TMEM65: variants seen among roughly 807,000 people sequenced by gnomAD.
TMEM65 encodes the protein transmembrane protein 65.
Under a neutral mutation model 25.4 loss-of-function variants are expected in TMEM65, and 22 were observed. That is an observed-to-expected ratio of 0.86 (90% CI 0.62 to 1.23). The LOEUF is 1.23. TMEM65 is among the 50% of genes most tolerant of loss of function. The pLI is 0.00. For synonymous variants in TMEM65, 132 were observed against 126.2 expected (o/e 1.05, Z -0.31); for missense variants, 262 against 308.2 (o/e 0.85, Z 1.12).
intron 1 of TMEM65, among the ~76,000 whole-genome samples, chr8:124,360,938 G>A (rs571245423): frequency 9.9e-5 from 15 of 152,276 alleles, no homozygotes; most frequent in Middle Eastern, 6.8e-3. Flanking sequence ...AAATTAAATA[G>A]GACTGGCTTC....
In TMEM65 at chr8:124,372,098, C is replaced by A; in HGVS notation, c.60G>T (p.Pro20=). 1 of 1,099,810 alleles carries A rather than the reference C, an allele frequency of 9.1e-7. No individual in the cohort carries two copies. The highest frequency in any genetic ancestry group is 4.3e-5 in the South Asian group (1 of 23,520). The allele number at this position is 1,099,810 out of a possible 1,614,324, so 68.1% of individuals were successfully genotyped here. ...GCGGGCGGGGCGCGGCGGCGGCGGCCGGGCCCGGCCTCAGGCTGCGCGCGG... is the reference window on the plus strand; with the variant it reads ...GCGGGCGGGGCGCGGCGGCGGCGGCAGGGCCCGGCCTCAGGCTGCGCGCGG... The part of the protein sequence containing the change: ...SRTARSLRPG[P]AAAAAPRPPS... The change falls in exon 1 of 7, where the codon CCG becomes CCT. Residue 20 remains proline (P), a synonymous_variant. Coordinates refer to ENST00000297632, the MANE Select transcript of TMEM65 (RefSeq NM_194291.3).
chr8:124,357,755 C>CAGTAAGT (rs1238343214), intron 1 of TMEM65, among the ~76,000 whole-genome samples: 1 of 150,792 alleles, frequency 6.6e-6, no homozygotes, highest in African/African-American at 2.4e-5. Flanking sequence ...CAGAGAGGGG[C>CAGTAAGT]AGTAAGTAGT....
At chr8:124,331,790 A>G (rs1814435516) in intron 1 of TMEM65, among the ~76,000 whole-genome samples, 1 of 152,032 alleles carries the variant, frequency 6.6e-6, no homozygotes, top group Admixed American at 6.5e-5. Flanking sequence ...GAAACGCATT[A>G]CAAACTAGAT....
intron 1 of TMEM65, among the ~76,000 whole-genome samples, chr8:124,359,283 C>T (rs941487586): frequency 3.9e-5 from 6 of 152,168 alleles, no homozygotes; most frequent in African/African-American, 1.2e-4. Context: ...CTATGCCTAC[C>T]TATACATGTA....
rs767872190 is a variant in TMEM65 at position 124,312,129 on chromosome 8, C to G, written c.*1831G>C. The G allele has an allele frequency of 3.3e-5, 5 of 151,940 alleles. No individual in the cohort carries two copies. Among genetic ancestry groups the G allele is most frequent in the Admixed American group, 2.6e-4 (4 of 15,220 alleles). 9.4% of individuals were successfully genotyped at this position (151,940 alleles called of 1,614,324 possible). On this transcript the variant is annotated 3_prime_UTR_variant, in exon 7 of 7. Coordinates refer to ENST00000297632, the MANE Select transcript of TMEM65 (RefSeq NM_194291.3). ...CTTACACTTTACCCCACCCTTCCCC[C>G]CCCAAAAATTTAAGCACTCTAATCC...
At chr8:124,356,341 T>C (rs1476335466) in intron 1 of TMEM65, among the ~76,000 whole-genome samples, 1 of 152,182 alleles carries the variant, frequency 6.6e-6, no homozygotes, top group African/African-American at 2.4e-5. Context: ...CTCTTATTAA[T>C]CTGCCTTCTG....
intron 6 of TMEM65, among the ~76,000 whole-genome samples, chr8:124,314,808 T>A (rs1814213452): frequency 6.6e-6 from 1 of 151,812 alleles, no homozygotes; most frequent in African/African-American, 2.4e-5. Context: ...TACAGACACA[T>A]GCCACTATGC....
chr8:124,317,488 GTTCT>G (rs1310823830), intron 6 of TMEM65, among the ~76,000 whole-genome samples: 1 of 152,066 alleles, frequency 6.6e-6, no homozygotes, highest in African/African-American at 2.4e-5. Context: ...ATTTTCTAGG[GTTCT>G]TTAATTCTGC....
chr8:124,355,678 A>C (rs1026474125), intron 1 of TMEM65, among the ~76,000 whole-genome samples: 4 of 152,222 alleles, frequency 2.6e-5, no homozygotes, highest in Admixed American at 6.5e-5. Flanking sequence ...AACACAGTCA[A>C]ATTCAATTCA....
At chr8:124,332,600 A>T (rs1289851864) in intron 1 of TMEM65, among the ~76,000 whole-genome samples, 1 of 152,138 alleles carries the variant, frequency 6.6e-6, no homozygotes, top group Admixed American at 6.6e-5. Context: ...AACCAGAGGC[A>T]ATAACAAATG....
rs370445885 is a variant in TMEM65, at chr8:124,312,130, C to G, written c.*1830G>C. The G allele has an allele frequency of 6.6e-5, 10 of 152,098 alleles. No homozygotes were observed. Among genetic ancestry groups the G allele is most frequent in the African/African-American group, 1.9e-4 (8 of 41,418 alleles). 9.4% of individuals were successfully genotyped at this position (152,098 alleles called of 1,614,324 possible). The stretch of plus-strand genomic sequence containing the variant: ...TTACACTTTACCCCACCCTTCCCCC[C>G]CCAAAAATTTAAGCACTCTAATCCT... On this transcript the variant is annotated 3_prime_UTR_variant, in exon 7 of 7. Transcript: ENST00000297632.
Position 124,368,905 on chromosome 8 carries a change from C to A in TMEM65, c.304+2949G>T, listed in dbSNP as rs147481146. ...CTGTGTTTTAGGATAATTTGTTATA[C>A]CGCAATGGATAACTAATACAATGAG... On this transcript the variant is annotated intron_variant, in intron 1 of 6. Transcript: ENST00000297632. 2.2e-3 allele frequency among the ~76,000 whole-genome samples: 334 copies of A among 152,196 alleles called. 2 individuals carry two copies. Among genetic ancestry groups the A allele is most frequent in the African/African-American group, 7.6e-3 (314 of 41,508 alleles).
chr8:124,367,153 T>C (rs1008317980), intron 1 of TMEM65, among the ~76,000 whole-genome samples: 3 of 152,190 alleles, frequency 2.0e-5, no homozygotes, highest in African/African-American at 7.2e-5. Context: ...CTATTCCCAA[T>C]CCATTCCAGA....
At chr8:124,338,262 TTAGA>T (rs1449330999) in intron 1 of TMEM65, among the ~76,000 whole-genome samples, 4 of 152,112 alleles carry the variant, frequency 2.6e-5, no homozygotes, top group African/African-American at 9.7e-5. Context: ...TAGCCTATTA[TTAGA>T]TATTTGTTAC....
intron 6 of TMEM65, among the ~76,000 whole-genome samples, chr8:124,318,702 G>C (rs1814270149): frequency 6.6e-6 from 1 of 152,016 alleles, no homozygotes; most frequent in African/African-American, 2.4e-5. Flanking sequence ...TAATAGATAG[G>C]TCTAAGATGA....
intron 3 of TMEM65, among the ~76,000 whole-genome samples, chr8:124,325,106 T>C (rs952180999): frequency 6.6e-6 from 1 of 151,978 alleles, no homozygotes; most frequent in African/African-American, 2.4e-5. Flanking sequence ...GTTACACACC[T>C]CTTTGTTTTT....
At chr8:124,361,438 G>GA (rs113824233) in intron 1 of TMEM65, among the ~76,000 whole-genome samples, 886 of 85,140 alleles carry the variant, frequency 0.01, 12 homozygotes, top group African/African-American at 0.029. Context: ...TCTGTCTCAC[G>GA]AAAAAAAAAA....
rs59243626 is a variant in TMEM65, at chr8:124,362,662, C to CAAAAAAAA, written c.304+9184_304+9191dup. Among the ~76,000 whole-genome samples, 8 of 98,204 alleles carry CAAAAAAAA rather than the reference C, an allele frequency of 8.1e-5. 3 individuals are homozygous for CAAAAAAAA. The highest frequency in any genetic ancestry group is 7.7e-4 in the South Asian group (2 of 2,604). The allele number at this position is 98,204 out of a possible 152,430, so 64.4% of individuals were successfully genotyped here. A position where few individuals can be genotyped will look rare whatever the true frequency, so the allele number is the denominator to read the frequency against. On this transcript the variant is annotated intron_variant, in intron 1 of 6. Coordinates refer to ENST00000297632, the MANE Select transcript of TMEM65 (RefSeq NM_194291.3). ...TGGTGATAGAGCAAGACTCTTGTCT[C>CAAAAAAAA]AAAAAAAAAAAATAGAAAAAATGCT...
chr8:124,317,425 A>G (rs575334278), intron 6 of TMEM65, among the ~76,000 whole-genome samples: 1 of 152,274 alleles, frequency 6.6e-6, no homozygotes, highest in Non-Finnish European at 1.5e-5. Context: ...ATCATTCATT[A>G]CTTCTTAAAA....
Sources: allele counts gnomAD v4.1 joint callset (sites outside exome capture counted in the v4.1 genomes callset), GRCh38; gene constraint gnomAD v4.1.1; transcripts MANE v1.5; gene names NCBI Gene and HGNC (gene_info 2026-07-23, HGNC 2026-07-21).